TENM2: variants seen among roughly 807,000 people sequenced by gnomAD.
TENM2 encodes teneurin-2.
A neutral mutation model predicts 245.2 loss-of-function variants in TENM2; 52 were observed. That is an observed-to-expected ratio of 0.21 (90% CI 0.17 to 0.27). The LOEUF (loss-of-function observed/expected upper bound fraction) is 0.27. Ranked by LOEUF, TENM2 falls within the 10% of genes least tolerant of loss-of-function variation. The probability of loss-of-function intolerance (pLI) is 1.00; values close to 1 mark genes in which losing one functional copy is unlikely to be tolerated. For synonymous variants in TENM2, 1,363 were observed against 1,438.9 expected (o/e 0.95, Z 1.19); for missense variants, 3,046 against 3,666.8 (o/e 0.83, Z 4.37).
chr5:167,071,887 C>CT, the TENM2 span, among the ~76,000 whole-genome samples: 1 of 145,400 alleles, frequency 6.9e-6, no homozygotes, highest in Non-Finnish European at 1.5e-5. Flanking sequence ...CGCCCCCCCC[C>CT]GCCCCCAACC....
chr5:167,394,744 C>T (rs1042749372), intron 2 of TENM2, among the ~76,000 whole-genome samples: 2 of 151,960 alleles, frequency 1.3e-5, no homozygotes, highest in African/African-American at 2.4e-5. Flanking sequence ...TTCAGACTCA[C>T]GCCATCATGC....
At chr5:168,232,343 G>T (rs536540488) in intron 25 of TENM2, 1 of 152,350 alleles carries the variant, frequency 6.6e-6, no homozygotes, top group Admixed American at 6.5e-5. Context: ...AAACTGGGAA[G>T]GCTGGGTGGC....
chr5:167,337,719 G>T (rs1757863323), intron 1 of TENM2, among the ~76,000 whole-genome samples: 1 of 152,142 alleles, frequency 6.6e-6, no homozygotes, highest in South Asian at 2.1e-4. Context: ...CGTGATCCAT[G>T]GAAGGAAAGG....
chr5:167,218,119 G>GT, the TENM2 span, among the ~76,000 whole-genome samples: 1 of 151,988 alleles, frequency 6.6e-6, no homozygotes, highest in African/African-American at 2.4e-5. Context: ...ACCTTGTAGA[G>GT]TTTTTTTTAA....
At chr5:167,291,736 G>A (rs777374087) in intron 1 of TENM2, among the ~76,000 whole-genome samples, 16 of 152,116 alleles carry the variant, frequency 1.1e-4, no homozygotes, top group African/African-American at 2.4e-4. Flanking sequence ...AATGAATTCC[G>A]CACAGGAAAG....
At chr5:167,407,026 TTGAGA>T (rs1192546584) in intron 2 of TENM2, among the ~76,000 whole-genome samples, 2 of 152,170 alleles carry the variant, frequency 1.3e-5, no homozygotes, top group African/African-American at 4.8e-5. Context: ...ACAGCAGCAA[TTGAGA>T]TGAGAAAACA....
chr5:167,265,471 G>T, the TENM2 span, among the ~76,000 whole-genome samples: 1 of 152,004 alleles, frequency 6.6e-6, no homozygotes, highest in Non-Finnish European at 1.5e-5. Context: ...TTCAGGTGAC[G>T]GTGGCTTCTT....
At chr5:168,159,646 T>C (rs1362238505) in intron 12 of TENM2, among the ~76,000 whole-genome samples, 1 of 152,244 alleles carries the variant, frequency 6.6e-6, no homozygotes, top group African/African-American at 2.4e-5. Context: ...GCCATGCACC[T>C]ACCAGGGCTG....
At chr5:167,560,552 T>A (rs762729122) in intron 2 of TENM2, among the ~76,000 whole-genome samples, 1 of 152,170 alleles carries the variant, frequency 6.6e-6, no homozygotes, top group Non-Finnish European at 1.5e-5. Flanking sequence ...ACTCTTCCAC[T>A]TCACAGCTGG....
At chr5:167,403,220 A>C (rs1762456538) in intron 2 of TENM2, among the ~76,000 whole-genome samples, 1 of 152,042 alleles carries the variant, frequency 6.6e-6, no homozygotes, top group Non-Finnish European at 1.5e-5. Flanking sequence ...TGAGAGAATA[A>C]TACTAATACA....
chr5:168,239,976 G>A (rs1765938391), intron 25 of TENM2, among the ~76,000 whole-genome samples: 1 of 152,158 alleles, frequency 6.6e-6, no homozygotes, highest in African/African-American at 2.4e-5. Context: ...CCAGCACTTT[G>A]AGAGACTGAG....
At chr5:168,078,464 T>A (rs1417053511) in intron 7 of TENM2, among the ~76,000 whole-genome samples, 1 of 152,232 alleles carries the variant, frequency 6.6e-6, no homozygotes, top group African/African-American at 2.4e-5. Flanking sequence ...TTGGCTTTTG[T>A]TGCCATTGTT....
chr5:167,850,136 G>A (rs62382858), intron 2 of TENM2, among the ~76,000 whole-genome samples: 1,998 of 152,192 alleles, frequency 0.013, 27 homozygotes, highest in Non-Finnish European at 0.017. Context: ...GCCACCAGTC[G>A]TCTCATGAGA....
chr5:168,259,385 C>A (rs1041813248), intron 27 of TENM2, among the ~76,000 whole-genome samples: 21 of 151,874 alleles, frequency 1.4e-4, no homozygotes, highest in Admixed American at 1.4e-3. Flanking sequence ...GTCGGGAGTT[C>A]GAAACCAGCC....
intron 2 of TENM2, among the ~76,000 whole-genome samples, chr5:167,802,186 C>G (rs1386948280): frequency 2.0e-5 from 3 of 152,146 alleles, no homozygotes; most frequent in Non-Finnish European, 4.4e-5. Flanking sequence ...GGCCCCACCT[C>G]TCAATACTGT....
chr5:167,293,287 C>G (rs538869992), intron 1 of TENM2, among the ~76,000 whole-genome samples: 2 of 151,976 alleles, frequency 1.3e-5, no homozygotes, highest in Non-Finnish European at 2.9e-5. Flanking sequence ...CAGCAATCTC[C>G]GCCTCCCAGG....
At chr5:167,673,347 A>G (rs1053637823) in intron 2 of TENM2, among the ~76,000 whole-genome samples, 2 of 152,088 alleles carry the variant, frequency 1.3e-5, no homozygotes, top group African/African-American at 4.8e-5. Context: ...GATGGTTCCC[A>G]TTAACACCGT....
chr5:167,353,655 C>G (rs1759116614), intron 1 of TENM2, among the ~76,000 whole-genome samples: 1 of 151,196 alleles, frequency 6.6e-6, no homozygotes, highest in Admixed American at 6.6e-5. Flanking sequence ...CAACAGGCGC[C>G]CGCCACTACG....
chr5:167,472,100 C>G (rs1215204345), intron 2 of TENM2, among the ~76,000 whole-genome samples: 2 of 152,096 alleles, frequency 1.3e-5, no homozygotes, highest in Non-Finnish European at 2.9e-5. Context: ...TCACTAGTCT[C>G]CCTTTAACTT....
Sources: gnomAD v4.1 joint callset for allele counts (sites outside exome capture counted in the v4.1 genomes callset) on GRCh38, gnomAD v4.1.1 for gene constraint, MANE v1.5 for transcripts, NCBI Gene and HGNC (gene_info 2026-07-23, HGNC 2026-07-21) for gene names.